The following PCDHGA10 variants were observed in gnomAD, a reference collection of about 807,000 sequenced individuals.
PCDHGA10 encodes the protein protocadherin gamma-A10.
In PCDHGA10, 42 loss-of-function variants were observed where a neutral mutation model predicts 59.5. The ratio of observed to expected loss-of-function variants is 0.71; its 90% CI spans 0.55 to 0.91. PCDHGA10 has a LOEUF of 0.91. Among genes scored for constraint, PCDHGA10 ranks in the 40% least tolerant of loss-of-function variants. PCDHGA10 has a pLI of 0.00. For synonymous variants in PCDHGA10, 511 were observed against 517.2 expected, an observed-to-expected ratio of 0.99 and a Z score of 0.16; for missense variants, 1,111 against 1,198.2, an observed-to-expected ratio of 0.93 and a Z score of 1.07.
chr5:141,440,931 C>G (rs2098213287), intron 1 of PCDHGA10: 1 of 152,186 alleles, frequency 6.6e-6, no homozygotes, highest in Non-Finnish European at 1.5e-5. Context: ...GTGAGGGCCA[C>G]CAACCAGGAC....
chr5:141,470,658 G>T lies in PCDHGA10; in HGVS notation c.2437-24149G>T, dbSNP rs527415532. Among the ~76,000 whole-genome samples the T allele has an allele frequency of 4.7e-3, 721 of 152,024 alleles. 9 individuals carry two copies. The highest frequency in any genetic ancestry group is 6.7e-3 in the Non-Finnish European group (452 of 67,944). On this transcript the variant is annotated intron_variant, in intron 1 of 3. Transcript: ENST00000398610. ...CTTGCTTTGAAGGCCCCTACCCTTT[G>T]GTTAGGGCTCTGCTGTTACCATCTT... is the stretch of plus-strand genomic sequence containing the variant.
chr5:141,429,955 A>G (rs971940539), intron 1 of PCDHGA10, among the ~76,000 whole-genome samples: 1 of 152,202 alleles, frequency 6.6e-6, no homozygotes, highest in Non-Finnish European at 1.5e-5. Context: ...TTTCCAGTCA[A>G]TGCAAGTTGG....
At chr5:141,434,119 C>T (rs2097673106) in intron 1 of PCDHGA10, among the ~76,000 whole-genome samples, 1 of 152,180 alleles carries the variant, frequency 6.6e-6, no homozygotes, top group Non-Finnish European at 1.5e-5. Flanking sequence ...GCCTTTGGGA[C>T]TCCCTTTAGG....
chr5:141,475,297 T>C lies in PCDHGA10; in HGVS notation c.2437-19510T>C, dbSNP rs187277570. Among the ~76,000 whole-genome samples the C allele has an allele frequency of 6.5e-4, 99 of 152,360 alleles. 2 individuals are homozygous for C. Among genetic ancestry groups the C allele is most frequent in the African/African-American group, 2.3e-3 (96 of 41,586 alleles). ...TGAAAGACAGGGTAGGGAAATTTCT[T>C]ATTGCTCCCTGGTTCTTAAGAAATG... On this transcript the variant is annotated intron_variant, in intron 1 of 3. Transcript: ENST00000398610.
At chr5:141,442,294 C>A (rs1194203452) in intron 1 of PCDHGA10, 1 of 152,584 alleles carries the variant, frequency 6.6e-6, no homozygotes, top group Admixed American at 6.5e-5. Context: ...ATGATCCTGT[C>A]TGAGTCTTTC....
Position 141,477,200 on chromosome 5 carries a change from C to T in PCDHGA10, c.2437-17607C>T. ...AGTCACCTCCGTGTACAGCCCAGTACCCGAGGATGCCCCTCTGGGGACTGT... is the reference window on the plus strand; with the variant it reads ...AGTCACCTCCGTGTACAGCCCAGTATCCGAGGATGCCCCTCTGGGGACTGT... On this transcript the variant is annotated intron_variant, in intron 1 of 3. Transcript: ENST00000398610. This position sits in a 1 kb window ranked among gnomAD's most constrained non-coding sequence, Gnocchi z 4.9. The T allele has an allele frequency of 1.2e-6, 2 of 1,614,206 alleles. No individual in the cohort carries two copies. The highest frequency in any genetic ancestry group is 1.3e-5 in the African/African-American group (1 of 75,056).
At chr5:141,505,852 G>A (rs2099848673) in intron 3 of PCDHGA10, among the ~76,000 whole-genome samples, 1 of 152,140 alleles carries the variant, frequency 6.6e-6, no homozygotes, top group African/African-American at 2.4e-5. Context: ...TAGAAAGTGG[G>A]GACAGGGACC....
intron 1 of PCDHGA10, chr5:141,418,096 G>A (rs772001018): frequency 6.2e-7 from 1 of 1,614,078 alleles, no homozygotes; most frequent in East Asian, 2.2e-5. Context: ...GCGTAGACGC[G>A]CAGAGCGGGG....
chr5:141,487,068 T>C lies in PCDHGA10; in HGVS notation c.2437-7739T>C. ...TATGCTGGGGAGGTGCGGACGGCTG[T>C]TCCTATCCCAGCTGACCTCCCACCA... On this transcript the variant is annotated intron_variant, in intron 1 of 3. Transcript: ENST00000398610. The surrounding 1 kb of genome is among the most constrained non-coding windows in gnomAD (Gnocchi z 5.0). The C allele has an allele frequency of 6.2e-7, 1 of 1,614,166 alleles. No individual in the cohort carries two copies. The highest frequency in any genetic ancestry group is 8.5e-7 in the Non-Finnish European group (1 of 1,180,016).
chr5:141,419,386 G>A (rs2096372901), intron 1 of PCDHGA10: 1 of 1,613,650 alleles, frequency 6.2e-7, no homozygotes, highest in Non-Finnish European at 8.5e-7. Context: ...CCGTGAGCGC[G>A]CAGAGCGGGG....
In PCDHGA10 at chr5:141,487,000, G is replaced by T. The variant is rs1410493699; in HGVS notation, c.2437-7807G>T. 2 of 1,614,076 alleles carry T rather than the reference G, an allele frequency of 1.2e-6. No homozygotes were observed. Among genetic ancestry groups the T allele is most frequent in the Non-Finnish European group, 1.7e-6 (2 of 1,180,044 alleles). On this transcript the variant is annotated intron_variant, in intron 1 of 3. Coordinates refer to ENST00000398610, the MANE Select transcript of PCDHGA10 (RefSeq NM_018913.3). The surrounding 1 kb of genome is among the most constrained non-coding windows in gnomAD (Gnocchi z 5.0). Reference sequence around the variant, plus strand: ...GTTACAATGCTTGGGTTTCCTATCAGCTCCTGGAGGCCCCAGATCCCAGCC... The same window carrying T: ...GTTACAATGCTTGGGTTTCCTATCATCTCCTGGAGGCCCCAGATCCCAGCC...
intron 1 of PCDHGA10, among the ~76,000 whole-genome samples, chr5:141,459,664 T>A (rs766213146): frequency 1.3e-5 from 2 of 152,262 alleles, no homozygotes; most frequent in Non-Finnish European, 2.9e-5. Flanking sequence ...TCACTTTACA[T>A]TTTCATGAGC....
rs765047622 is a variant in PCDHGA10 at position 141,486,776 on chromosome 5, G to A, written c.2437-8031G>A. On this transcript the variant is annotated intron_variant, in intron 1 of 3. Coordinates refer to ENST00000398610, the MANE Select transcript of PCDHGA10 (RefSeq NM_018913.3). This position sits in a 1 kb window ranked among gnomAD's most constrained non-coding sequence, Gnocchi z 5.0. ...GCAAACCCAGACACTGCAGTTTGAGGTGCAGGCCCGGGATCGGGGCAACCC... is the reference window on the plus strand; with the variant it reads ...GCAAACCCAGACACTGCAGTTTGAGATGCAGGCCCGGGATCGGGGCAACCC... 1.2e-6 allele frequency: 2 copies of A among 1,614,254 alleles called. No individual in the cohort carries two copies. Among genetic ancestry groups the A allele is most frequent in the Non-Finnish European group, 1.7e-6 (2 of 1,180,050 alleles).
intron 1 of PCDHGA10, among the ~76,000 whole-genome samples, chr5:141,482,056 G>A (rs1271837619): frequency 1.3e-5 from 2 of 149,012 alleles, no homozygotes; most frequent in Non-Finnish European, 3.0e-5. Context: ...TTGCATTCCA[G>A]CCTGGGCAAC....
At chr5:141,478,039 G>A (rs764777183) in intron 1 of PCDHGA10, 29 of 1,613,978 alleles carry the variant, frequency 1.8e-5, no homozygotes, top group Non-Finnish European at 2.5e-5. Flanking sequence ...ATTCACCCAG[G>A]CAGACTCTCA....
At chr5:141,501,198 G>C (rs2299024) in intron 2 of PCDHGA10, among the ~76,000 whole-genome samples, 89,086 of 151,686 alleles carry the variant, frequency 0.59, 27,759 homozygotes, top group African/African-American at 0.8. Context: ...TAAATTCAGG[G>C]TGTTGTCAGG....
rs757157488 is a variant in PCDHGA10 at position 141,477,668 on chromosome 5, A to G, written c.2437-17139A>G. ...TTTCACAATAAATCGTGACAATGGC[A>G]TAGTGTCATCCTTAGTGCCCCTAGA... On this transcript the variant is annotated intron_variant, in intron 1 of 3. Coordinates refer to ENST00000398610, the MANE Select transcript of PCDHGA10 (RefSeq NM_018913.3). The surrounding 1 kb of genome is among the most constrained non-coding windows in gnomAD (Gnocchi z 4.9). 10 of 1,614,104 alleles carry G rather than the reference A, an allele frequency of 6.2e-6. No individual in the cohort carries two copies. Among genetic ancestry groups the G allele is most frequent in the Non-Finnish European group, 8.5e-6 (10 of 1,180,046 alleles).
Position 141,477,919 on chromosome 5 carries a change from G to A in PCDHGA10, c.2437-16888G>A. 2.5e-6 allele frequency: 4 copies of A among 1,614,162 alleles called. No individual in the cohort carries two copies. The highest frequency in any genetic ancestry group is 8.5e-7 in the Non-Finnish European group (1 of 1,180,026). The stretch of plus-strand genomic sequence containing the variant: ...TGGTAGGCTGGGACGCGGATGCAGG[G>A]CACAATGCCTGGCTCTCCTACAGTC... On this transcript the variant is annotated intron_variant, in intron 1 of 3. Transcript: ENST00000398610. The surrounding 1 kb of genome is among the most constrained non-coding windows in gnomAD (Gnocchi z 4.9).
chr5:141,414,570 C>T lies in PCDHGA10; in HGVS notation c.1395C>T (p.Ile465=). ...CTCAAGTCTCCTACTTTACCTATATCCCAGAGAACAACGCCAGGGGTGCCT... is the reference window on the plus strand; with the variant it reads ...CTCAAGTCTCCTACTTTACCTATATTCCAGAGAACAACGCCAGGGGTGCCT... The part of the protein sequence containing the change: ...TFSQVSYFTY[I]PENNARGASI... Residue 465 remains isoleucine (I), a synonymous_variant, in exon 1 of 4, where the codon ATC becomes ATT. Transcript: ENST00000398610. 1 of 1,613,980 alleles carries T rather than the reference C, an allele frequency of 6.2e-7. No individual in the cohort carries two copies.
Sources: gnomAD v4.1 joint callset for allele counts (sites outside exome capture counted in the v4.1 genomes callset) on GRCh38, gnomAD v4.1.1 for gene constraint, Gnocchi (gnomAD v3.1) non-coding constraint, MANE v1.5 for transcripts, NCBI Gene and HGNC (gene_info 2026-07-23, HGNC 2026-07-21) for gene names.